The following HMX1 variants were observed in gnomAD, a reference collection of about 807,000 sequenced individuals.
HMX1 encodes H6 family homeobox 1, also known as homeobox protein HMX1.
Under a neutral mutation model 8.9 loss-of-function variants are expected in HMX1, and 8 were observed. The ratio of observed to expected loss-of-function variants is 0.90; its 90% confidence interval spans 0.53 to 1.63. The LOEUF (loss-of-function observed/expected upper bound fraction) is 1.63, where lower values mean the gene tolerates loss of function less well. Ranked by LOEUF, HMX1 falls within the 40% of genes most tolerant of loss-of-function variation. The pLI, the probability that HMX1 is intolerant of heterozygous loss-of-function variation, is 0.00. For synonymous variants in HMX1, 311 were observed against 283.4 expected, an observed-to-expected ratio of 1.10 and a Z score of -0.98; for missense variants, 621 against 558.5, an observed-to-expected ratio of 1.11 and a Z score of -1.13.
At chr4:8,850,837 G>A (rs1232768639) in intron 1 of HMX1, among the ~76,000 whole-genome samples, 1 of 152,246 alleles carries the variant, frequency 6.6e-6, no homozygotes, top group Non-Finnish European at 1.5e-5. Flanking sequence ...GCTCCTGAGA[G>A]GCTGGGACTG....
downstream of HMX1, chr4:8,866,980 C>G (rs937255818): frequency 2.5e-6 from 2 of 790,144 alleles, no homozygotes; most frequent in Non-Finnish European, 3.1e-6. Context: ...AAAGGTGCTC[C>G]CAGGAGGGAC....
Position 8,867,259 on chromosome 4 carries a change from A to C in HMX1, c.*434T>G, listed in dbSNP as rs1207052612. 1 of 986,176 alleles carries C rather than the reference A, an allele frequency of 1.0e-6. No homozygotes were observed. Among genetic ancestry groups the C allele is most frequent in the East Asian group, 1.1e-4 (1 of 8,844 alleles). The allele number at this position is 986,176 out of a possible 1,614,324, so 61.1% of individuals were successfully genotyped here. A position where few individuals can be genotyped will look rare whatever the true frequency, so the allele number is the denominator to read the frequency against. On this transcript the variant is annotated 3_prime_UTR_variant, in exon 2 of 2. Coordinates refer to ENST00000400677, the MANE Select transcript of HMX1 (RefSeq NM_018942.3). ...CCGGCCTGCTGTCTGGGTCCCAGGA[A>C]AGGGACGTTTAGTGTTGGGGGCAGT... is the stretch of plus-strand genomic sequence containing the variant.
At chr4:8,846,208 C>A (rs958049369) in exon 2 of HMX1, 3 of 1,476,408 alleles carry the variant, frequency 2.0e-6, no homozygotes, top group African/African-American at 1.4e-5. Context: ...CCAGTCCCTG[C>A]GGCCTCCTCC....
At chr4:8,860,704 C>G (rs906431860) in intron 1 of HMX1, 1 of 152,466 alleles carries the variant, frequency 6.6e-6, no homozygotes, top group Middle Eastern at 3.4e-3. Context: ...CGCTTCCTTC[C>G]AGAAGCCTAA....
At chr4:8,862,876 C>T (rs1177819476), downstream of HMX1, among the ~76,000 whole-genome samples, 4 of 152,234 alleles carry the variant, frequency 2.6e-5, no homozygotes, top group Admixed American at 1.3e-4. Context: ...TGTGTCCTTC[C>T]GTGCATGACA....
chr4:8,866,382 C>T (rs927365869), downstream of HMX1, among the ~76,000 whole-genome samples: 5 of 152,244 alleles, frequency 3.3e-5, no homozygotes, highest in African/African-American at 1.2e-4. Context: ...TTTTCAAACC[C>T]GAACAACATA....
rs1035597975 is a variant in HMX1, at chr4:8,871,445, GCGTCCTCGTCTTCGGGGTCGTCGT to G, written c.146_169del (p.Asp49_Asp56del). The G allele has an allele frequency of 2.1e-5, 28 of 1,332,940 alleles. No individual in the cohort carries two copies. The highest frequency in any genetic ancestry group is 4.7e-5 in the African/African-American group (3 of 64,142). 82.6% of individuals were successfully genotyped at this position (1,332,940 alleles called of 1,614,324 possible). A position where few individuals can be genotyped will look rare whatever the true frequency, so the allele number is the denominator to read the frequency against. On this transcript the variant is annotated inframe_deletion, in exon 1 of 2. Coordinates refer to ENST00000400677, the MANE Select transcript of HMX1 (RefSeq NM_018942.3). The surrounding 1 kb of genome is among the most constrained non-coding windows in gnomAD (Gnocchi z 4.8). ...TAGCCGTCGCCGCCGCGCCTGCTCG[GCGTCCTCGTCTTCGGGGTCGTCGT>G]CGTCCTCCTCCTCGTCCTCCCGGCT...
chr4:8,867,391 C>T lies in HMX1; in HGVS notation c.*302G>A, dbSNP rs1722035490. On this transcript the variant is annotated 3_prime_UTR_variant, in exon 2 of 2. Transcript: ENST00000400677. ...TGCCCCGGGTGGCCATGGCCGACCG[C>T]TCCTCGCTGAGGCCGGGGGGTGGCC... The T allele has an allele frequency of 9.4e-7, 1 of 1,058,830 alleles. No homozygotes were observed. The highest frequency in any genetic ancestry group is 1.7e-5 in the African/African-American group (1 of 57,840). 65.6% of individuals were successfully genotyped at this position (1,058,830 alleles called of 1,614,324 possible). A position where few individuals can be genotyped will look rare whatever the true frequency, so the allele number is the denominator to read the frequency against.
In HMX1 at chr4:8,847,822, G is replaced by A. The variant is rs1481666082; in HGVS notation, c.395-1498C>T. Among the ~76,000 whole-genome samples, 1 of 152,202 alleles carries A rather than the reference G, an allele frequency of 6.6e-6. No individual in the cohort carries two copies. Among genetic ancestry groups the A allele is most frequent in the Non-Finnish European group, 1.5e-5 (1 of 68,040 alleles). The stretch of plus-strand genomic sequence containing the variant: ...AAAGAAACAGGATTCAGAAACAGGG[G>A]AATGGGAAGGACAAGAAGAACCTCG... On this transcript the variant is annotated intron_variant, in intron 1 of 1. Transcript: ENST00000506970. This position sits in a 1 kb window ranked among gnomAD's most constrained non-coding sequence, Gnocchi z 6.0.
chr4:8,866,434 C>A (rs1047132253), downstream of HMX1, among the ~76,000 whole-genome samples: 1 of 152,262 alleles, frequency 6.6e-6, no homozygotes, highest in Non-Finnish European at 1.5e-5. Flanking sequence ...TGTCCCTCCC[C>A]CACCCAAAAG....
Position 8,867,171 on chromosome 4 carries a change from A to C in HMX1, c.*522T>G. The C allele has an allele frequency of 2.0e-6, 2 of 985,376 alleles. No individual in the cohort carries two copies. The highest frequency in any genetic ancestry group is 2.4e-6 in the Non-Finnish European group (2 of 829,880). 61.0% of individuals were successfully genotyped at this position (985,376 alleles called of 1,614,324 possible). On this transcript the variant is annotated 3_prime_UTR_variant, in exon 2 of 2. Coordinates refer to ENST00000400677, the MANE Select transcript of HMX1 (RefSeq NM_018942.3). ...GCCTGCTCCTGGAACGGACGATGGG[A>C]CCCACAGGTCCAGGGTCCTTTCTCC...
intron 1 of HMX1, among the ~76,000 whole-genome samples, chr4:8,858,057 G>C (rs1031181403): frequency 3.3e-5 from 5 of 152,098 alleles, no homozygotes; most frequent in Non-Finnish European, 4.4e-5. Flanking sequence ...ACTGTAAGAC[G>C]GGGATCAATG....
intron 1 of HMX1, among the ~76,000 whole-genome samples, chr4:8,861,590 C>T (rs1309526743): frequency 6.6e-6 from 1 of 152,138 alleles, no homozygotes; most frequent in Non-Finnish European, 1.5e-5. Context: ...AAGGGGACCG[C>T]GGAGCAGCGT....
intron 1 of HMX1, among the ~76,000 whole-genome samples, chr4:8,855,834 A>C (rs573031291): frequency 3.5e-4 from 53 of 152,198 alleles, no homozygotes; most frequent in African/African-American, 1.3e-3. Flanking sequence ...GACCTGCAGA[A>C]GCCTCTGGAC....
intron 1 of HMX1, among the ~76,000 whole-genome samples, chr4:8,851,946 C>A (rs1425011061): frequency 1.3e-5 from 2 of 152,240 alleles, no homozygotes; most frequent in Admixed American, 6.5e-5. Context: ...GGGCCTCGAA[C>A]CTGCGTCCTG....
Position 8,871,516 on chromosome 4 carries a change from C to A in HMX1, c.99G>T (p.Gly33=). The A allele has an allele frequency of 7.4e-7, 1 of 1,343,190 alleles. No homozygotes were observed. The allele number at this position is 1,343,190 out of a possible 1,614,324, so 83.2% of individuals were successfully genotyped here. A position where few individuals can be genotyped will look rare whatever the true frequency, so the allele number is the denominator to read the frequency against. Residue 33 remains glycine, a synonymous_variant, in exon 1 of 2, where the codon GGG becomes GGT. Coordinates refer to ENST00000400677, the MANE Select transcript of HMX1 (RefSeq NM_018942.3). This position sits in a 1 kb window ranked among gnomAD's most constrained non-coding sequence, Gnocchi z 4.8. ...GGCTGCCGTCGCCCTGGGTCGCGCG[C>A]CCTGCGCCCTTGGCCTCGGCCGCCA... ...NLLAAEAKGA[G]RATQGDGSRE...
intron 1 of HMX1, chr4:8,858,785 C>G (rs1490519976): frequency 6.6e-6 from 1 of 152,304 alleles, no homozygotes; most frequent in Non-Finnish European, 1.5e-5. Flanking sequence ...TCCACTGGGC[C>G]CCGTCGAGAA....
Position 8,871,784 on chromosome 4 carries a change from G to A in HMX1, c.-170C>T, listed in dbSNP as rs1426759048. On this transcript the variant is annotated 5_prime_UTR_variant, in exon 1 of 2. Transcript: ENST00000400677. This position sits in a 1 kb window ranked among gnomAD's most constrained non-coding sequence, Gnocchi z 4.8. Reference sequence around the variant, plus strand: ...CTCCGCGCCGGGCTGGGCTGGGCCGGGCCGGGAGCGAGTGCGCGCCGACAG... The same window carrying A: ...CTCCGCGCCGGGCTGGGCTGGGCCGAGCCGGGAGCGAGTGCGCGCCGACAG... 1.1e-6 allele frequency: 1 copy of A among 879,448 alleles called. No individual in the cohort carries two copies. Among genetic ancestry groups the A allele is most frequent in the African/African-American group, 1.8e-5 (1 of 55,304 alleles). 54.5% of individuals were successfully genotyped at this position (879,448 alleles called of 1,614,324 possible).
In HMX1 at chr4:8,868,662, C is replaced by T. The variant is rs1334394666; in HGVS notation, c.395-317G>A. The stretch of plus-strand genomic sequence containing the variant: ...AAAGAAAAGAAACAAAAATACTACA[C>T]AAGAAAAGCAGGCTGACCCCAGTGA... On this transcript the variant is annotated intron_variant, in intron 1 of 1. Transcript: ENST00000400677. The surrounding 1 kb of genome is among the most constrained non-coding windows in gnomAD (Gnocchi z 4.6). Among the ~76,000 whole-genome samples the T allele has an allele frequency of 6.6e-6, 1 of 152,138 alleles. No individual in the cohort carries two copies. The highest frequency in any genetic ancestry group is 2.4e-5 in the African/African-American group (1 of 41,434).
Sources: gnomAD v4.1 joint callset for allele counts (sites outside exome capture counted in the v4.1 genomes callset) on GRCh38, gnomAD v4.1.1 for gene constraint, Gnocchi (gnomAD v3.1) non-coding constraint, MANE v1.5 for transcripts, NCBI Gene and HGNC (gene_info 2026-07-23, HGNC 2026-07-21) for gene names.